SPTBN1: variants seen among roughly 807,000 people sequenced by gnomAD.
SPTBN1 encodes the protein spectrin beta, non-erythrocytic 1.
In SPTBN1, 32 loss-of-function variants were observed where a neutral mutation model predicts 266.4. The ratio of observed to expected loss-of-function variants is 0.12; its 90% CI spans 0.09 to 0.16. The LOEUF (loss-of-function observed/expected upper bound fraction) is 0.16, where lower values mean the gene tolerates loss of function less well. Among genes scored for constraint, SPTBN1 ranks in the 10% least tolerant of loss-of-function variants. The probability of loss-of-function intolerance (pLI) is 1.00; values close to 1 mark genes in which losing one functional copy is unlikely to be tolerated. For synonymous variants in SPTBN1, 1,336 were observed against 1,162.2 expected (o/e 1.15, Z -3.04); for missense variants, 2,296 against 3,067.1 (o/e 0.75, Z 5.94).
Position 54,646,436 on chromosome 2 carries a change from C to A in SPTBN1, c.4827C>A (p.Ser1609Arg). The A allele has an allele frequency of 6.3e-7, 1 of 1,580,116 alleles. No individual in the cohort carries two copies. Among genetic ancestry groups the A allele is most frequent in the African/African-American group, 1.4e-5 (1 of 73,678 alleles). The change falls in exon 23 of 36, where the codon AGC becomes AGA. Residue 1609 changes from serine to arginine, a missense_variant. By Grantham distance (110) the Ser-to-Arg change is moderately radical. Coordinates refer to ENST00000356805, the MANE Select transcript of SPTBN1 (RefSeq NM_003128.3). The surrounding 1 kb of genome is among the most constrained non-coding windows in gnomAD (Gnocchi z 4.4). ...FDAAEAEAWM[S>R]EQELYMMSEE... Reference sequence around the variant, plus strand: ...CTGCTGAGGCCGAAGCCTGGATGAGCGAGCAGGAGCTGTACATGATGTCAG... The same window carrying A: ...CTGCTGAGGCCGAAGCCTGGATGAGAGAGCAGGAGCTGTACATGATGTCAG...
rs140786046 is a variant in SPTBN1 at position 54,609,765 on chromosome 2, T to G, written c.301-2396T>G. Among the ~76,000 whole-genome samples, 496 of 152,270 alleles carry G rather than the reference T, an allele frequency of 3.3e-3. 1 individual carries two copies. Among genetic ancestry groups the G allele is most frequent in the Non-Finnish European group, 5.3e-3 (359 of 68,012 alleles). ...ACGCAGCCTCTTACTGGCAAGGTAC[T>G]TTGAGACTTCAGGAACCAAAACATC... On this transcript the variant is annotated intron_variant, in intron 3 of 35. Transcript: ENST00000356805.
intron 1 of SPTBN1, among the ~76,000 whole-genome samples, chr2:54,510,415 A>G (rs1669795597): frequency 6.6e-6 from 1 of 152,218 alleles, no homozygotes; most frequent in African/African-American, 2.4e-5. Flanking sequence ...AATTTGGTCC[A>G]TAACACTCAG....
At chr2:54,667,349 C>G (rs1455633010) in intron 34 of SPTBN1, among the ~76,000 whole-genome samples, 1 of 152,096 alleles carries the variant, frequency 6.6e-6, no homozygotes, top group Admixed American at 6.6e-5. Context: ...ATGTTTGGGG[C>G]TTTTTAAAAT....
intron 1 of SPTBN1, among the ~76,000 whole-genome samples, chr2:54,489,561 G>C (rs534998091): frequency 6.6e-6 from 1 of 152,172 alleles, no homozygotes; most frequent in Admixed American, 6.5e-5. Flanking sequence ...TTAGCCAGGC[G>C]TGGTGGTGTG....
intron 2 of SPTBN1, among the ~76,000 whole-genome samples, chr2:54,584,284 A>G (rs1022434062): frequency 6.6e-6 from 1 of 152,172 alleles, no homozygotes; most frequent in African/African-American, 2.4e-5. Flanking sequence ...CTATTAATGT[A>G]TATTTAGTTT....
At chr2:54,541,268 G>A (rs1423475950) in intron 2 of SPTBN1, among the ~76,000 whole-genome samples, 1 of 152,190 alleles carries the variant, frequency 6.6e-6, no homozygotes, top group African/African-American at 2.4e-5. Flanking sequence ...CAGAGGATTT[G>A]TGTGTGCTTC....
At chr2:54,550,888 TG>T (rs1403942019) in intron 2 of SPTBN1, among the ~76,000 whole-genome samples, 39 of 152,182 alleles carry the variant, frequency 2.6e-4, no homozygotes, top group Non-Finnish European at 5.9e-5. Context: ...ACGTGTCAGA[TG>T]AGTTGACTTG....
intron 1 of SPTBN1, among the ~76,000 whole-genome samples, chr2:54,512,547 AAAAT>A (rs1221754230): frequency 1.3e-5 from 2 of 152,254 alleles, no homozygotes; most frequent in Non-Finnish European, 2.9e-5. Flanking sequence ...GTCTACATTT[AAAAT>A]AAATATGTTA....
chr2:54,656,757 G>A (rs1288853980), intron 29 of SPTBN1, among the ~76,000 whole-genome samples: 1 of 152,182 alleles, frequency 6.6e-6, no homozygotes, highest in East Asian at 1.9e-4. Context: ...TGGGCCCAGA[G>A]CCCTCAGAAA....
chr2:54,658,125 T>G, intron 30 of SPTBN1, 79 bp downstream of exon 30: 1 of 1,537,364 alleles, frequency 6.5e-7, no homozygotes, highest in African/African-American at 1.4e-5. Context: ...ACCAGGGAAT[T>G]CACACGATTG....
chr2:54,556,137 C>T (rs1392052154), intron 2 of SPTBN1, among the ~76,000 whole-genome samples: 1 of 152,238 alleles, frequency 6.6e-6, no homozygotes, highest in Non-Finnish European at 1.5e-5. Context: ...TACCTCTGGC[C>T]TTCCTTTACC....
At chr2:54,505,543 A>G (rs887849902) in intron 1 of SPTBN1, among the ~76,000 whole-genome samples, 4 of 152,140 alleles carry the variant, frequency 2.6e-5, no homozygotes, top group African/African-American at 9.7e-5. Context: ...AATCTGTGCC[A>G]GCTCTCCCAG....
intron 2 of SPTBN1, among the ~76,000 whole-genome samples, chr2:54,587,753 T>C (rs546370385): frequency 6.6e-6 from 1 of 152,226 alleles, no homozygotes; most frequent in East Asian, 1.9e-4. Flanking sequence ...TAGCCTGTGG[T>C]GATTACCATA....
At chr2:54,642,540 T>TTG (rs1679647422) in intron 18 of SPTBN1, among the ~76,000 whole-genome samples, 1 of 151,776 alleles carries the variant, frequency 6.6e-6, no homozygotes, top group Non-Finnish European at 1.5e-5. Context: ...TTTTTTTTTT[T>TTG]TTTTTTTAAT....
At chr2:54,484,688 G>A (rs1025112224) in intron 1 of SPTBN1, among the ~76,000 whole-genome samples, 1 of 152,282 alleles carries the variant, frequency 6.6e-6, no homozygotes, top group African/African-American at 2.4e-5. Flanking sequence ...AATTTCAAAG[G>A]ACAAGTAGAG....
intron 2 of SPTBN1, chr2:54,527,749 C>T (rs547384301): frequency 1.3e-5 from 2 of 152,314 alleles, no homozygotes; most frequent in African/African-American, 4.8e-5. Context: ...GGATGCTTTT[C>T]TGCTTACCAT....
chr2:54,458,337 G>C (rs780428112), intron 1 of SPTBN1, among the ~76,000 whole-genome samples: 7 of 152,100 alleles, frequency 4.6e-5, no homozygotes, highest in Non-Finnish European at 1.0e-4. Context: ...CCTTTAGCTT[G>C]TATTTTGTTT....
At chr2:54,479,767 A>G (rs1484775460) in intron 1 of SPTBN1, among the ~76,000 whole-genome samples, 2 of 152,178 alleles carry the variant, frequency 1.3e-5, no homozygotes, top group African/African-American at 2.4e-5. Context: ...GTAGCTATTT[A>G]AAAAATTATT....
chr2:54,488,068 A>G lies in SPTBN1; in HGVS notation c.-48+31550A>G, dbSNP rs546813320. ...ATGGTCTTGATCTCTTGACCTCATG[A>G]TCCGCCCACCTCAGCCTCCCAAAGT... On this transcript the variant is annotated intron_variant, in intron 1 of 35. Coordinates refer to ENST00000356805, the MANE Select transcript of SPTBN1 (RefSeq NM_003128.3). 1.9e-4 allele frequency among the ~76,000 whole-genome samples: 29 copies of G among 151,930 alleles called. No individual in the cohort carries two copies. The East Asian group carries it at 5.6e-3, about 29-fold the overall frequency.
Sources: allele counts gnomAD v4.1 joint callset (sites outside exome capture counted in the v4.1 genomes callset), GRCh38; gene constraint gnomAD v4.1.1; non-coding constraint Gnocchi (gnomAD v3.1); transcripts MANE v1.5; gene names NCBI Gene and HGNC (gene_info 2026-07-23, HGNC 2026-07-21).